The following PRKG1 variants were observed in gnomAD, a reference collection of about 807,000 sequenced individuals.
PRKG1 encodes the protein cGMP-dependent protein kinase 1.
PRKG1 carries 35 observed loss-of-function variants against 88.1 expected under a neutral mutation model. That is an observed-to-expected ratio of 0.40 (90% confidence interval 0.30 to 0.53). The LOEUF (loss-of-function observed/expected upper bound fraction) is 0.53, where lower values mean the gene tolerates loss of function less well. Ranked by LOEUF, PRKG1 falls within the 20% of genes least tolerant of loss-of-function variation. The probability of loss-of-function intolerance (pLI) is 0.59; values close to 1 mark genes in which losing one functional copy is unlikely to be tolerated. For missense variants in PRKG1, 540 were observed against 839.8 expected, an observed-to-expected ratio of 0.64 and a Z score of 4.41; for synonymous variants, 303 against 292.5, an observed-to-expected ratio of 1.04 and a Z score of -0.37.
At chr10:51,153,069 G>T in intron 1 of PRKG1, 95 bp from the exon 2 acceptor site, 7 of 794,424 alleles carry the variant, frequency 8.8e-6, no homozygotes, top group East Asian at 9.5e-5. Context: ...AAATACATTT[G>T]TGGTGTGCCA....
intron 2 of PRKG1, among the ~76,000 whole-genome samples, chr10:51,385,383 G>A (rs1196732789): frequency 1.3e-5 from 2 of 152,272 alleles, no homozygotes; most frequent in East Asian, 3.9e-4. Context: ...TAATGCATAC[G>A]TTAAGGACAA....
chr10:51,860,588 GT>G (rs1840848243), intron 4 of PRKG1, among the ~76,000 whole-genome samples: 3 of 152,150 alleles, frequency 2.0e-5, no homozygotes, highest in Non-Finnish European at 4.4e-5. Flanking sequence ...ATCTCTAATG[GT>G]TACACCAGCA....
intron 4 of PRKG1, among the ~76,000 whole-genome samples, chr10:51,897,092 C>T (rs2132922590): frequency 6.6e-6 from 1 of 152,218 alleles, no homozygotes. Context: ...GCATAATAGA[C>T]TGAACCAGGA....
intron 1 of PRKG1, among the ~76,000 whole-genome samples, chr10:51,014,755 A>T (rs1219797008): frequency 6.6e-6 from 1 of 152,218 alleles, no homozygotes; most frequent in Non-Finnish European, 1.5e-5. Flanking sequence ...TTACATATTT[A>T]TGTGTCAATT....
intron 2 of PRKG1, among the ~76,000 whole-genome samples, chr10:51,170,747 G>A (rs1205741358): frequency 5.4e-5 from 7 of 130,772 alleles, no homozygotes; most frequent in Admixed American, 1.6e-4. Flanking sequence ...CATGAGTGGG[G>A]TGAGTCATTG....
At chr10:51,230,994 C>T (rs975208631) in intron 2 of PRKG1, among the ~76,000 whole-genome samples, 3 of 152,088 alleles carry the variant, frequency 2.0e-5, no homozygotes, top group African/African-American at 4.8e-5. Flanking sequence ...GTCCCCAGTG[C>T]CCTGGTTACT....
chr10:51,490,159 C>G (rs969117873), intron 3 of PRKG1, among the ~76,000 whole-genome samples: 3 of 152,070 alleles, frequency 2.0e-5, no homozygotes, highest in Admixed American at 1.3e-4. Flanking sequence ...CTTTACAGCT[C>G]TGACTGATTT....
At chr10:51,833,492 T>C (rs1332031273) in intron 4 of PRKG1, among the ~76,000 whole-genome samples, 1 of 152,170 alleles carries the variant, frequency 6.6e-6, no homozygotes, top group African/African-American at 2.4e-5. Context: ...CAAAATTAAA[T>C]CATTTCCAAG....
chr10:51,507,989 A>G (rs1841276769), intron 3 of PRKG1, among the ~76,000 whole-genome samples: 1 of 152,184 alleles, frequency 6.6e-6, no homozygotes, highest in Non-Finnish European at 1.5e-5. Context: ...AATTGTGAAT[A>G]TACTATTGAG....
chr10:51,376,617 T>G (rs1842821627), intron 2 of PRKG1, among the ~76,000 whole-genome samples: 1 of 152,210 alleles, frequency 6.6e-6, no homozygotes, highest in Admixed American at 6.6e-5. Context: ...GAAGCCCATT[T>G]ATTTCAAGTC....
chr10:51,167,840 C>T (rs1044146413), intron 2 of PRKG1, among the ~76,000 whole-genome samples: 7 of 152,014 alleles, frequency 4.6e-5, no homozygotes, highest in Admixed American at 6.6e-5. Flanking sequence ...TCTGTTCTGA[C>T]GGTAGATATA....
At chr10:52,114,803 A>G (rs1056092191) in intron 7 of PRKG1, among the ~76,000 whole-genome samples, 1 of 152,146 alleles carries the variant, frequency 6.6e-6, no homozygotes, top group African/African-American at 2.4e-5. Flanking sequence ...TGCTCAATTA[A>G]GTATTATTTA....
At chr10:51,269,912 A>G (rs914426265) in intron 2 of PRKG1, among the ~76,000 whole-genome samples, 3 of 152,238 alleles carry the variant, frequency 2.0e-5, no homozygotes, top group Non-Finnish European at 4.4e-5. Context: ...TGAATAATTT[A>G]TTGTTAGATA....
chr10:52,038,424 G>A (rs1024611083), intron 5 of PRKG1, among the ~76,000 whole-genome samples: 6 of 151,904 alleles, frequency 3.9e-5, no homozygotes, highest in Non-Finnish European at 8.8e-5. Context: ...AAGGGGTCGA[G>A]CATGGAAATA....
At chr10:51,325,730 T>C (rs1841573833) in intron 2 of PRKG1, among the ~76,000 whole-genome samples, 1 of 152,160 alleles carries the variant, frequency 6.6e-6, no homozygotes, top group African/African-American at 2.4e-5. Context: ...TTTCTTCTAG[T>C]AGTTTTATAG....
At chr10:51,448,296 A>T (rs1299603202) in intron 2 of PRKG1, among the ~76,000 whole-genome samples, 1 of 151,956 alleles carries the variant, frequency 6.6e-6, no homozygotes, top group African/African-American at 2.4e-5. Context: ...ACTTTCATCA[A>T]GTTGACATTC....
intron 3 of PRKG1, among the ~76,000 whole-genome samples, chr10:51,486,105 T>A (rs1298133313): frequency 1.3e-5 from 2 of 152,196 alleles, no homozygotes; most frequent in Admixed American, 1.3e-4. Flanking sequence ...ATTATTATTA[T>A]TATTTTTGTT....
intron 3 of PRKG1, among the ~76,000 whole-genome samples, chr10:51,642,027 T>C (rs933775948): frequency 1.3e-5 from 2 of 152,146 alleles, no homozygotes; most frequent in African/African-American, 2.4e-5. Context: ...AGCTAGTATT[T>C]ATTGAGCAAC....
chr10:52,240,643 C>G (rs908487178), intron 9 of PRKG1, among the ~76,000 whole-genome samples: 1 of 152,056 alleles, frequency 6.6e-6, no homozygotes. Context: ...TGAGATGTTT[C>G]CTGGGACTTA....
Sources: gnomAD v4.1 joint callset for allele counts (sites outside exome capture counted in the v4.1 genomes callset) on GRCh38, gnomAD v4.1.1 for gene constraint, MANE v1.5 for transcripts, NCBI Gene and HGNC (gene_info 2026-07-23, HGNC 2026-07-21) for gene names.